Variants in SLC26A8 observed in about 807,000 individuals in gnomAD.
SLC26A8 encodes the protein testis anion transporter 1.
A neutral mutation model predicts 105.0 loss-of-function variants in SLC26A8; 70 were observed. The observed-to-expected ratio is 0.67, with a 90% CI of 0.55 to 0.81. The LOEUF (loss-of-function observed/expected upper bound fraction) is 0.81. Among genes scored for constraint, SLC26A8 ranks in the 40% least tolerant of loss-of-function variants. The pLI, the probability that SLC26A8 is intolerant of heterozygous loss-of-function variation, is 0.00. For synonymous variants in SLC26A8, 415 were observed against 438.3 expected (o/e 0.95, Z 0.66); for missense variants, 998 against 1,181.8 (o/e 0.84, Z 2.28).
chr6:36,001,421 C>G (rs1404374566), intron 3 of SLC26A8, among the ~76,000 whole-genome samples: 2 of 152,216 alleles, frequency 1.3e-5, no homozygotes, highest in African/African-American at 4.8e-5. Flanking sequence ...AGCCACCGCG[C>G]CCAGCCAGGC....
rs974190662 is a variant in SLC26A8 at position 35,977,280 on chromosome 6, A to G, written c.1097T>C (p.Leu366Ser). ...AAATATGAGCAGAAAGGAGCTCACC[A>G]AAGATAAGGAGAAGGCTTGTAAAAT... is the stretch of plus-strand genomic sequence containing the variant. The part of the protein sequence containing the change: ...KIILQAFSLS[L>S]VSSFLLIFLG... Residue 366 changes from leucine (L) to serine (S), a missense_variant, in exon 9 of 20, where the codon TTG becomes TCG. Coordinates refer to ENST00000490799, the MANE Select transcript of SLC26A8 (RefSeq NM_052961.4). 19 of 1,614,106 alleles carry G rather than the reference A, an allele frequency of 1.2e-5. No individual in the cohort carries two copies. Among genetic ancestry groups the G allele is most frequent in the Non-Finnish European group, 1.6e-5 (19 of 1,180,002 alleles).
intron 19 of SLC26A8, among the ~76,000 whole-genome samples, chr6:35,950,384 G>T (rs2127289209): frequency 6.6e-6 from 1 of 151,696 alleles, no homozygotes; most frequent in African/African-American, 2.4e-5. Flanking sequence ...CTGCCTCCCG[G>T]GTTCAAGCAA....
chr6:35,992,628 G>C lies in SLC26A8; in HGVS notation c.674C>G (p.Pro225Arg). The change falls in exon 6 of 20, where the codon CCG (proline) becomes CGG (arginine). Residue 225 changes from proline (P) to arginine (R), a missense_variant. By Grantham distance (103) the Pro-to-Arg change is moderately radical. Coordinates refer to ENST00000490799, the MANE Select transcript of SLC26A8 (RefSeq NM_052961.4). ...CAGGTAAGCACTCATTGCAGACTCCGGAAGGTAAGTGGCAATGAAGCCCAA... is the reference window on the plus strand; with the variant it reads ...CAGGTAAGCACTCATTGCAGACTCCCGAAGGTAAGTGGCAATGAAGCCCAA... Reference protein sequence around the residue: ...LGLGFIATYLPESAMSAYLAA... With the variant: ...LGLGFIATYLRESAMSAYLAA... 1 of 1,613,836 alleles carries C rather than the reference G, an allele frequency of 6.2e-7. No homozygotes were observed. Among genetic ancestry groups the C allele is most frequent in the Middle Eastern group, 1.6e-4 (1 of 6,062 alleles).
chr6:35,977,099 G>T (rs1181118121), intron 9 of SLC26A8, 105 bp downstream of exon 9: 3 of 1,275,394 alleles, frequency 2.4e-6, no homozygotes, highest in Non-Finnish European at 3.2e-6. Context: ...CCAAACCATG[G>T]TCCAAGTGGC....
intron 19 of SLC26A8, 56 bp downstream of exon 19, chr6:35,951,107 C>T: frequency 2.3e-6 from 2 of 880,434 alleles, no homozygotes; most frequent in Non-Finnish European, 3.5e-6. Context: ...CCTCACCCAT[C>T]CCCCCACTGC....
chr6:35,962,710 T>C, intron 11 of SLC26A8, 89 bp from the exon 12 acceptor site: 1 of 1,222,420 alleles, frequency 8.2e-7, no homozygotes, highest in Non-Finnish European at 1.2e-6. Flanking sequence ...AAGTTAGCCT[T>C]GCCACTTTGA....
chr6:35,963,040 G>T (rs1047229229), intron 11 of SLC26A8, among the ~76,000 whole-genome samples: 2 of 152,100 alleles, frequency 1.3e-5, no homozygotes, highest in Non-Finnish European at 2.9e-5. Context: ...CAACGTCAAG[G>T]CCTGACTGAT....
intron 5 of SLC26A8, 149 bp downstream of exon 5, chr6:35,997,589 G>A (rs1761391789): frequency 6.8e-6 from 5 of 732,472 alleles, no homozygotes; most frequent in African/African-American, 1.8e-5. Flanking sequence ...AAGGAGACAC[G>A]CTATTCACAC....
chr6:35,968,634 T>C (rs1287013676), intron 11 of SLC26A8, among the ~76,000 whole-genome samples: 1 of 97,356 alleles, frequency 1.0e-5, no homozygotes. Flanking sequence ...TATATATATA[T>C]ATATATATAT....
rs1425730231 is a variant in SLC26A8 at position 35,959,550 on chromosome 6, G to A, written c.1773C>T (p.Phe591=). 2.5e-6 allele frequency: 4 copies of A among 1,613,746 alleles called. No individual in the cohort carries two copies. The African/African-American group carries it at 4.0e-5, about 16-fold the overall frequency. ...VKVPLKEEEI[F]SLFNSSDTNL... is the part of the protein sequence containing the mutation. ...TGGTGTCACTTGAATTAAACAAGCT[G>A]AAAATTTCTTCTTCTTTAAGAGGCA... The change falls in exon 16 of 20, where the codon TTC becomes TTT. Residue 591 remains phenylalanine, a synonymous_variant. Transcript: ENST00000490799.
chr6:35,997,860 T>A lies in SLC26A8; in HGVS notation c.505A>T (p.Asn169Tyr). ...INVLKVSPFN[N>Y]GQLVMGSFVK... ...AAAGATCCCATGACCAGTTGACCGT[T>A]GTTGAATGGGCTCACTTTCAGAACG... is the stretch of plus-strand genomic sequence containing the variant. Residue 169 changes from asparagine (N) to tyrosine (Y), a missense_variant, in exon 5 of 20, where the codon AAC becomes TAC. Asn to Tyr is a moderately radical substitution (Grantham distance 143, BLOSUM62 -2). Transcript: ENST00000490799. The A allele has an allele frequency of 6.2e-7, 1 of 1,614,126 alleles. No individual in the cohort carries two copies. The highest frequency in any genetic ancestry group is 1.1e-5 in the South Asian group (1 of 91,078).
At chr6:35,962,374 G>C (rs1772341916) in intron 12 of SLC26A8, 152 bp downstream of exon 12, 2 of 628,084 alleles carry the variant, frequency 3.2e-6, no homozygotes, top group Non-Finnish European at 2.8e-6. Flanking sequence ...CAACAACCTT[G>C]ACTCTCCTTT....
chr6:35,959,073 C>G (rs544584930), intron 16 of SLC26A8, among the ~76,000 whole-genome samples: 2 of 152,264 alleles, frequency 1.3e-5, no homozygotes, highest in Admixed American at 1.3e-4. Flanking sequence ...TGACCTTGCC[C>G]TAGTTGGAAT....
chr6:35,965,370 T>C (rs1458846341), intron 11 of SLC26A8, among the ~76,000 whole-genome samples: 1 of 152,112 alleles, frequency 6.6e-6, no homozygotes, highest in Non-Finnish European at 1.5e-5. Flanking sequence ...TTTAACCTAC[T>C]TTTAAGAAGC....
At chr6:35,976,532 T>C (rs552362646) in intron 9 of SLC26A8, among the ~76,000 whole-genome samples, 66 of 150,264 alleles carry the variant, frequency 4.4e-4, no homozygotes, top group Non-Finnish European at 8.1e-4. Flanking sequence ...GCCAACTGTA[T>C]GGTATTAGAA....
intron 3 of SLC26A8, among the ~76,000 whole-genome samples, chr6:36,002,332 T>A (rs1307356526): frequency 6.6e-6 from 1 of 152,180 alleles, no homozygotes; most frequent in East Asian, 1.9e-4. Flanking sequence ...AATATTGCTA[T>A]GAATATTCTT....
chr6:35,973,621 CCTT>C (rs1394414925), intron 10 of SLC26A8, among the ~76,000 whole-genome samples: 1 of 152,036 alleles, frequency 6.6e-6, no homozygotes, highest in South Asian at 2.1e-4. Flanking sequence ...AGACAATTCT[CCTT>C]CTTCCAGTGG....
intron 11 of SLC26A8, among the ~76,000 whole-genome samples, chr6:35,964,957 ACC>A (rs1772449546): frequency 1.5e-5 from 2 of 134,250 alleles, no homozygotes; most frequent in Non-Finnish European, 3.1e-5. Context: ...AGAGAGTGAG[ACC>A]ATGTCTCAAA....
intron 3 of SLC26A8, among the ~76,000 whole-genome samples, chr6:36,011,885 A>G (rs1761867442): frequency 6.6e-6 from 1 of 152,230 alleles, no homozygotes; most frequent in South Asian, 2.1e-4. Context: ...CTGGGATTAC[A>G]GGCATGAGCC....
Sources: gnomAD v4.1 joint callset for allele counts (sites outside exome capture counted in the v4.1 genomes callset) on GRCh38, gnomAD v4.1.1 for gene constraint, MANE v1.5 for transcripts, NCBI Gene and HGNC (gene_info 2026-07-23, HGNC 2026-07-21) for gene names.